DLG2: variants seen among roughly 807,000 people sequenced by gnomAD.
DLG2 encodes disks large homolog 2.
A neutral mutation model predicts 132.5 loss-of-function variants in DLG2; 45 were observed. The ratio of observed to expected loss-of-function variants is 0.34; its 90% CI spans 0.27 to 0.44. DLG2 has a LOEUF of 0.44. Ranked by LOEUF, DLG2 falls within the 20% of genes least tolerant of loss-of-function variation. DLG2 has a pLI of 1.00. For missense variants in DLG2, 1,045 were observed against 1,196.9 expected (o/e 0.87, Z 1.87); for synonymous variants, 424 against 419.6 (o/e 1.01, Z -0.13).
At chr11:84,715,432 C>A (rs888229192) in intron 6 of DLG2, among the ~76,000 whole-genome samples, 2 of 151,972 alleles carry the variant, frequency 1.3e-5, no homozygotes, top group Non-Finnish European at 2.9e-5. Flanking sequence ...TTCTGGTATA[C>A]AATCCAATAT....
At chr11:85,585,436 A>T (rs2078903270) in intron 3 of DLG2, among the ~76,000 whole-genome samples, 1 of 152,118 alleles carries the variant, frequency 6.6e-6, no homozygotes, top group Non-Finnish European at 1.5e-5. Context: ...TCTAAGTAGG[A>T]CTTCCAAAAC....
At chr11:85,378,567 G>A (rs943825204) in intron 3 of DLG2, among the ~76,000 whole-genome samples, 1 of 151,904 alleles carries the variant, frequency 6.6e-6, no homozygotes, top group African/African-American at 2.4e-5. Context: ...TATATATATA[G>A]ATAGATGTGT....
At chr11:83,553,584 A>T (rs1168434652) in intron 19 of DLG2, among the ~76,000 whole-genome samples, 2 of 150,856 alleles carry the variant, frequency 1.3e-5, no homozygotes, top group East Asian at 3.9e-4. Context: ...GAATCACCTC[A>T]TCATTCTCTT....
rs546923714 is a variant in DLG2, at chr11:84,518,956, A to C, written c.519+15614T>G. Among the ~76,000 whole-genome samples, 47 of 152,262 alleles carry C rather than the reference A, an allele frequency of 3.1e-4. 1 individual carries two copies. Among genetic ancestry groups the C allele is most frequent in the Middle Eastern group, 6.8e-3 (2 of 294 alleles). On this transcript the variant is annotated intron_variant, in intron 7 of 27. Transcript: ENST00000376104. Reference sequence around the variant, plus strand: ...TTTTATATAACAGTCTGCTCAGTAGATTAGTAAAACAGAGACCATAAAGCC... The same window carrying C: ...TTTTATATAACAGTCTGCTCAGTAGCTTAGTAAAACAGAGACCATAAAGCC...
intron 7 of DLG2, among the ~76,000 whole-genome samples, chr11:84,324,521 C>A (rs948827959): frequency 2.0e-5 from 3 of 151,930 alleles, no homozygotes; most frequent in Admixed American, 6.6e-5. Context: ...ATTGTTTTGG[C>A]TATTTGGGGT....
intron 6 of DLG2, among the ~76,000 whole-genome samples, chr11:84,714,630 TCTCTC>T (rs2060962836): frequency 4.2e-5 from 6 of 141,804 alleles, no homozygotes; most frequent in East Asian, 3.9e-4. Context: ...TCTTTCTCTC[TCTCTC>T]TCTCTCTCTC....
At chr11:85,041,914 GAAC>G (rs1270224163) in intron 6 of DLG2, among the ~76,000 whole-genome samples, 78 of 151,788 alleles carry the variant, frequency 5.1e-4, no homozygotes, top group African/African-American at 1.8e-3. Flanking sequence ...GTGGTATAAT[GAAC>G]ATCGGAGAGT....
At position 84,476,668 on chromosome 11, in the gene DLG2, C is replaced by T. The variant is rs554440077; in HGVS notation, c.519+57902G>A. ...ATATGAATTCTGTTTGGCTGTCTCC[C>T]AGGAGGCTTGCCTTTGGAATTCAAC... On this transcript the variant is annotated intron_variant, in intron 7 of 27. Coordinates refer to ENST00000376104, the MANE Select transcript of DLG2 (RefSeq NM_001142699.3). Among the ~76,000 whole-genome samples the T allele has an allele frequency of 1.6e-4, 24 of 152,264 alleles. No individual in the cohort carries two copies. In the South Asian group the frequency reaches 5.0e-3, roughly 32 times the overall value.
chr11:85,051,035 C>T (rs190923776), intron 6 of DLG2, among the ~76,000 whole-genome samples: 2 of 152,214 alleles, frequency 1.3e-5, no homozygotes, highest in Non-Finnish European at 1.5e-5. Flanking sequence ...TGAAGAACAA[C>T]AGATTTCAAA....
At chr11:83,903,182 A>C (rs2073927089) in intron 15 of DLG2, among the ~76,000 whole-genome samples, 2 of 152,046 alleles carry the variant, frequency 1.3e-5, no homozygotes, top group Admixed American at 6.6e-5. Context: ...TTAGCAGTAA[A>C]TATGAGCTTT....
At chr11:84,477,849 T>A (rs549911242) in intron 7 of DLG2, among the ~76,000 whole-genome samples, 1 of 152,312 alleles carries the variant, frequency 6.6e-6, no homozygotes, top group African/African-American at 2.4e-5. Flanking sequence ...ATTCTATCCC[T>A]TTTTAGCCAG....
At chr11:85,367,161 C>T (rs1319112041) in intron 3 of DLG2, among the ~76,000 whole-genome samples, 1 of 152,072 alleles carries the variant, frequency 6.6e-6, no homozygotes, top group African/African-American at 2.4e-5. Context: ...GGAATCATCC[C>T]TTTAATTTAG....
intron 15 of DLG2, among the ~76,000 whole-genome samples, chr11:83,924,134 A>T (rs748886): frequency 0.084 from 12,731 of 152,146 alleles, 699 homozygotes; most frequent in Non-Finnish European, 0.12. Context: ...GTCTTCATGA[A>T]AATGCCCAGA....
chr11:84,364,505 C>T (rs1409193985), intron 7 of DLG2, among the ~76,000 whole-genome samples: 1 of 152,074 alleles, frequency 6.6e-6, no homozygotes, highest in African/African-American at 2.4e-5. Flanking sequence ...CCTTTATTTC[C>T]TTCTCCTGCC....
chr11:84,258,452 A>G (rs1399645477), intron 7 of DLG2, among the ~76,000 whole-genome samples: 1 of 152,210 alleles, frequency 6.6e-6, no homozygotes, highest in Non-Finnish European at 1.5e-5. Context: ...AATAACAATA[A>G]TAAAGTATTA....
chr11:85,080,996 A>T (rs563195952), intron 6 of DLG2, among the ~76,000 whole-genome samples: 1 of 152,292 alleles, frequency 6.6e-6, no homozygotes, highest in South Asian at 2.1e-4. Flanking sequence ...AATTTGATAA[A>T]GAAGTTATGT....
intron 6 of DLG2, among the ~76,000 whole-genome samples, chr11:84,691,765 G>C (rs1264392878): frequency 2.0e-5 from 3 of 151,096 alleles, no homozygotes; most frequent in Non-Finnish European, 4.4e-5. Context: ...GTTTGATTTG[G>C]GTAGTTATTA....
rs577761828 is a variant in DLG2 at position 83,985,981 on chromosome 11, G to T, written c.920-5339C>A. Reference sequence around the variant, plus strand: ...TTATATTCCCATCAACAGTGTAAAAGCATTCCTTTTTCTCCACAACCTCAC... The same window carrying T: ...TTATATTCCCATCAACAGTGTAAAATCATTCCTTTTTCTCCACAACCTCAC... On this transcript the variant is annotated intron_variant, in intron 11 of 27. Coordinates refer to ENST00000376104, the MANE Select transcript of DLG2 (RefSeq NM_001142699.3). 5.9e-5 allele frequency among the ~76,000 whole-genome samples: 9 copies of T among 151,904 alleles called. No individual in the cohort carries two copies. In the South Asian group the frequency reaches 1.5e-3, roughly 25 times the overall value.
intron 4 of DLG2, among the ~76,000 whole-genome samples, chr11:85,174,360 C>T (rs2079076723): frequency 6.6e-6 from 1 of 152,130 alleles, no homozygotes; most frequent in South Asian, 2.1e-4. Flanking sequence ...ACAACCTGCT[C>T]CTGAATGACA....
Sources: gnomAD v4.1 joint callset for allele counts (sites outside exome capture counted in the v4.1 genomes callset) on GRCh38, gnomAD v4.1.1 for gene constraint, MANE v1.5 for transcripts, NCBI Gene and HGNC (gene_info 2026-07-23, HGNC 2026-07-21) for gene names.